Variants in PCDH15 observed in about 807,000 individuals in gnomAD.
PCDH15 encodes the protein protocadherin related 15.
PCDH15 carries 129 observed loss-of-function variants against 178.5 expected under a neutral mutation model. The ratio of observed to expected loss-of-function variants is 0.72; its 90% confidence interval spans 0.63 to 0.84. PCDH15 has a LOEUF of 0.84. Ranked by LOEUF, PCDH15 falls within the 40% of genes least tolerant of loss-of-function variation. The pLI, the probability that PCDH15 is intolerant of heterozygous loss-of-function variation, is 0.00. For synonymous variants in PCDH15, 800 were observed against 732.0 expected, an observed-to-expected ratio of 1.09 and a Z score of -1.50; for missense variants, 2,230 against 2,099.9, an observed-to-expected ratio of 1.06 and a Z score of -1.21.
chr10:55,470,228 T>C (rs1419880122), intron 2 of PCDH15, among the ~76,000 whole-genome samples: 2 of 151,822 alleles, frequency 1.3e-5, no homozygotes, highest in Non-Finnish European at 2.9e-5. Context: ...GTTTGGCCTA[T>C]AGTCTCAGCT....
At chr10:54,706,088 A>G (rs1346701475) in intron 1 of PCDH15, among the ~76,000 whole-genome samples, 1 of 152,228 alleles carries the variant, frequency 6.6e-6, no homozygotes, top group Non-Finnish European at 1.5e-5. Flanking sequence ...CTAAATATGA[A>G]TGGTTGTCTG....
chr10:54,446,347 T>A (rs925982562), intron 3 of PCDH15, among the ~76,000 whole-genome samples: 1 of 151,634 alleles, frequency 6.6e-6, no homozygotes, highest in African/African-American at 2.4e-5. Flanking sequence ...CTGAACTACT[T>A]TCTGTTGTGT....
chr10:54,685,989 T>C lies in PCDH15; in HGVS notation c.-28-21699A>G, dbSNP rs531876128. On this transcript the variant is annotated intron_variant, in intron 1 of 37. Transcript: ENST00000644397. The stretch of plus-strand genomic sequence containing the variant: ...ATGTATTTTAAATCATCACTGCCTC[T>C]ACTTTTCTAATTTTTGCATGGAAAT... Among the ~76,000 whole-genome samples, 9 of 152,046 alleles carry C rather than the reference T, an allele frequency of 5.9e-5. No individual in the cohort carries two copies. The East Asian group carries it at 9.7e-4, about 16-fold the overall frequency.
chr10:54,701,780 C>A lies in PCDH15; in HGVS notation c.-28-37490G>T, dbSNP rs147507271. Among the ~76,000 whole-genome samples, 6 of 152,152 alleles carry A rather than the reference C, an allele frequency of 3.9e-5. No homozygotes were observed. In the East Asian group the frequency reaches 1.2e-3, roughly 29 times the overall value. ...CTATCCTAAATATATACATGCCCAACACAGGGGCATCCAGATTTATAAAAC... is the reference window on the plus strand; with the variant it reads ...CTATCCTAAATATATACATGCCCAAAACAGGGGCATCCAGATTTATAAAAC... On this transcript the variant is annotated intron_variant, in intron 1 of 37. Transcript: ENST00000644397.
chr10:54,143,406 C>T (rs2043585391), intron 14 of PCDH15, among the ~76,000 whole-genome samples: 1 of 152,018 alleles, frequency 6.6e-6, no homozygotes, highest in African/African-American at 2.4e-5. Flanking sequence ...TTGCTTTGAT[C>T]CTTCTCAAAA....
At chr10:54,951,984 C>T (rs1838355065) in intron 2 of PCDH15, among the ~76,000 whole-genome samples, 1 of 151,782 alleles carries the variant, frequency 6.6e-6, no homozygotes, top group African/African-American at 2.4e-5. Context: ...CCTCCTCAAT[C>T]CGTGGCTTCT....
chr10:54,559,301 A>C (rs2133330234), intron 2 of PCDH15, among the ~76,000 whole-genome samples: 1 of 152,130 alleles, frequency 6.6e-6, no homozygotes, highest in Admixed American at 6.6e-5. Flanking sequence ...TAATGTATTT[A>C]AGGCTCCTAG....
At chr10:55,328,303 T>A (rs1844089118) in intron 2 of PCDH15, among the ~76,000 whole-genome samples, 2 of 151,796 alleles carry the variant, frequency 1.3e-5, no homozygotes, top group African/African-American at 4.8e-5. Context: ...AGTCATTAGG[T>A]TTTTTGTAGT....
chr10:54,640,330 G>T (rs2093960440), intron 2 of PCDH15, among the ~76,000 whole-genome samples: 1 of 151,130 alleles, frequency 6.6e-6, no homozygotes, highest in Non-Finnish European at 1.5e-5. Flanking sequence ...AAACATTTAG[G>T]AATACTTACT....
intron 1 of PCDH15, among the ~76,000 whole-genome samples, chr10:55,294,557 T>C (rs1175419675): frequency 2.6e-5 from 4 of 152,208 alleles, no homozygotes; most frequent in African/African-American, 9.6e-5. Flanking sequence ...TGTTCTTGAC[T>C]CAGAAATGTA....
intron 26 of PCDH15, among the ~76,000 whole-genome samples, chr10:53,876,761 C>T (rs1209493443): frequency 3.9e-5 from 6 of 152,080 alleles, no homozygotes; most frequent in Admixed American, 2.6e-4. Context: ...TTCAACATAC[C>T]TATTTACTTT....
At chr10:55,587,845 A>T (rs1200919709) in intron 2 of PCDH15, among the ~76,000 whole-genome samples, 2 of 152,192 alleles carry the variant, frequency 1.3e-5, no homozygotes, top group Non-Finnish European at 2.9e-5. Context: ...GGTCTGAAAG[A>T]GTATCTGAAC....
rs2051372177 is a variant in PCDH15 at position 54,211,012 on chromosome 10, T to G, written c.1098+2924A>C. Among the ~76,000 whole-genome samples the G allele has an allele frequency of 2.0e-5, 3 of 152,150 alleles. No individual in the cohort carries two copies. In the South Asian group the frequency reaches 6.2e-4, roughly 31 times the overall value. On this transcript the variant is annotated intron_variant, in intron 10 of 37. Coordinates refer to ENST00000644397, the MANE Select transcript of PCDH15 (RefSeq NM_001384140.1). ...TTAATTGGCCTTAATAATTAATGACTAGTAGCTTTGTATTAGATGCCTGAA... is the reference window on the plus strand; with the variant it reads ...TTAATTGGCCTTAATAATTAATGACGAGTAGCTTTGTATTAGATGCCTGAA...
chr10:54,370,301 A>G (rs1175741342), intron 4 of PCDH15, among the ~76,000 whole-genome samples: 1 of 151,866 alleles, frequency 6.6e-6, no homozygotes, highest in African/African-American at 2.4e-5. Context: ...TGACCCCTCC[A>G]TCTTAAAAAC....
chr10:54,227,855 A>T (rs890330973), intron 9 of PCDH15, among the ~76,000 whole-genome samples: 1 of 152,182 alleles, frequency 6.6e-6, no homozygotes, highest in Non-Finnish European at 1.5e-5. Flanking sequence ...AAATGCTGCC[A>T]GTCTTTTTGC....
At chr10:54,817,980 A>T (rs1298503829) in intron 3 of PCDH15, among the ~76,000 whole-genome samples, 1 of 152,004 alleles carries the variant, frequency 6.6e-6, no homozygotes, top group East Asian at 1.9e-4. Context: ...GGAAGGGACA[A>T]TGTTTAATTC....
intron 2 of PCDH15, among the ~76,000 whole-genome samples, chr10:54,943,831 A>C (rs2131866325): frequency 6.7e-6 from 1 of 149,942 alleles, no homozygotes; most frequent in African/African-American, 2.5e-5. Context: ...AGAGTAAAAT[A>C]ATTTTTCTAA....
At chr10:55,506,900 C>A (rs2132146480) in intron 2 of PCDH15, among the ~76,000 whole-genome samples, 1 of 151,476 alleles carries the variant, frequency 6.6e-6, no homozygotes, top group South Asian at 2.1e-4. Context: ...ATAATGGCTA[C>A]AATTTTCTGA....
intron 5 of PCDH15, among the ~76,000 whole-genome samples, chr10:54,367,432 T>C (rs1165904896): frequency 6.6e-6 from 1 of 152,112 alleles, no homozygotes; most frequent in African/African-American, 2.4e-5. Context: ...TCACATAGGA[T>C]GCTTTGAACT....
Sources: gnomAD v4.1 joint callset for allele counts (sites outside exome capture counted in the v4.1 genomes callset) on GRCh38, gnomAD v4.1.1 for gene constraint, MANE v1.5 for transcripts, NCBI Gene and HGNC (gene_info 2026-07-23, HGNC 2026-07-21) for gene names.